Variants in PRKD1 observed in about 807,000 individuals in gnomAD.
The protein encoded by PRKD1 is protein kinase D1.
In PRKD1, 63 loss-of-function variants were observed where a neutral mutation model predicts 95.9. The ratio of observed to expected loss-of-function variants is 0.66; its 90% CI spans 0.54 to 0.81. PRKD1 has a LOEUF of 0.81. Ranked by LOEUF, PRKD1 falls within the 30% of genes least tolerant of loss-of-function variation. The pLI, the probability that PRKD1 is intolerant of heterozygous loss-of-function variation, is 0.00. For missense variants in PRKD1, 1,048 were observed against 1,165.3 expected, an observed-to-expected ratio of 0.90 and a Z score of 1.47; for synonymous variants, 425 against 423.1, an observed-to-expected ratio of 1.00 and a Z score of -0.05.
intron 2 of PRKD1, among the ~76,000 whole-genome samples, chr14:29,668,563 T>C (rs915688057): frequency 1.3e-5 from 2 of 152,174 alleles, no homozygotes; most frequent in African/African-American, 4.8e-5. Context: ...AAACAGGTAA[T>C]TGAGCCAAAA....
chr14:29,758,654 C>G (rs996097101), intron 1 of PRKD1, among the ~76,000 whole-genome samples: 11 of 152,174 alleles, frequency 7.2e-5, no homozygotes, highest in African/African-American at 2.4e-4. Context: ...AAAAACTCCA[C>G]AAAGATATTA....
intron 13 of PRKD1, among the ~76,000 whole-genome samples, chr14:29,609,559 G>C (rs1878295310): frequency 7.0e-6 from 1 of 142,754 alleles, no homozygotes; most frequent in African/African-American, 2.6e-5. Flanking sequence ...TTAATTTTTT[G>C]AGACAGAGTC....
chr14:29,726,074 A>C (rs1277666316), intron 1 of PRKD1, among the ~76,000 whole-genome samples: 1 of 152,202 alleles, frequency 6.6e-6, no homozygotes, highest in Non-Finnish European at 1.5e-5. Flanking sequence ...CATTACACAT[A>C]ATAATGGCAA....
chr14:29,635,094 T>C (rs530423295), intron 7 of PRKD1, among the ~76,000 whole-genome samples: 5 of 152,098 alleles, frequency 3.3e-5, no homozygotes, highest in Non-Finnish European at 5.9e-5. Context: ...TTGAACTGTA[T>C]GGTGTTCAGT....
At chr14:29,655,464 T>C (rs1881778360) in intron 4 of PRKD1, among the ~76,000 whole-genome samples, 1 of 152,188 alleles carries the variant, frequency 6.6e-6, no homozygotes, top group Admixed American at 6.5e-5. Flanking sequence ...CATCTTAGAA[T>C]GGATACTAAT....
intron 9 of PRKD1, among the ~76,000 whole-genome samples, chr14:29,631,458 ATAGT>A (rs1176046569): frequency 6.6e-6 from 1 of 152,102 alleles, no homozygotes; most frequent in Non-Finnish European, 1.5e-5. Flanking sequence ...AGCCAAGTGA[ATAGT>A]TTAAGTGAGG....
At chr14:29,877,239 G>T (rs1893333623) in intron 1 of PRKD1, among the ~76,000 whole-genome samples, 1 of 152,154 alleles carries the variant, frequency 6.6e-6, no homozygotes, top group African/African-American at 2.4e-5. Flanking sequence ...TGCAACCCTG[G>T]TACACTGCTG....
chr14:29,784,554 C>G (rs915084458), intron 1 of PRKD1, among the ~76,000 whole-genome samples: 14 of 152,000 alleles, frequency 9.2e-5, no homozygotes, highest in African/African-American at 3.4e-4. Flanking sequence ...TGTTTCTGTC[C>G]TTTTCAATTA....
chr14:29,715,410 G>T (rs1323226721), intron 2 of PRKD1, among the ~76,000 whole-genome samples: 1 of 151,990 alleles, frequency 6.6e-6, no homozygotes, highest in African/African-American at 2.4e-5. Flanking sequence ...GTGACTTAGG[G>T]ATTGCATTTT....
At chr14:29,684,897 T>C (rs188557095) in intron 2 of PRKD1, among the ~76,000 whole-genome samples, 8 of 152,342 alleles carry the variant, frequency 5.3e-5, no homozygotes, top group Non-Finnish European at 1.0e-4. Flanking sequence ...TTTAGATGGT[T>C]TTCTTGCTTT....
chr14:29,735,670 C>T (rs1354620921), intron 1 of PRKD1, among the ~76,000 whole-genome samples: 1 of 152,210 alleles, frequency 6.6e-6, no homozygotes, highest in Non-Finnish European at 1.5e-5. Flanking sequence ...GTTCTACCAG[C>T]TCAGCACCAT....
chr14:29,656,378 T>C (rs1881839232), intron 4 of PRKD1: 6 of 1,272,332 alleles, frequency 4.7e-6, no homozygotes, highest in Non-Finnish European at 6.6e-6. Context: ...ATTATTCTCA[T>C]AAAGTCAGTA....
chr14:29,642,311 A>G (rs1880836837), intron 4 of PRKD1, among the ~76,000 whole-genome samples: 1 of 152,222 alleles, frequency 6.6e-6, no homozygotes, highest in East Asian at 1.9e-4. Context: ...ATTTTAAGCA[A>G]AAATATAAAA....
rs189456542 is a variant in PRKD1, at chr14:29,694,785, T to C, written c.404-28577A>G. 7.9e-5 allele frequency among the ~76,000 whole-genome samples: 12 copies of C among 151,656 alleles called. 1 individual carries two copies. The highest frequency in any genetic ancestry group is 2.7e-4 in the African/African-American group (11 of 41,354). On this transcript the variant is annotated intron_variant, in intron 2 of 17. Coordinates refer to ENST00000331968, the MANE Select transcript of PRKD1 (RefSeq NM_002742.3). The stretch of plus-strand genomic sequence containing the variant: ...TGCCACTTCAGTAAGAGTGAGAAAA[T>C]GAAGAGTGAAACAGGTAGATGTTTG...
At chr14:29,723,579 A>G (rs758191712) in intron 2 of PRKD1, among the ~76,000 whole-genome samples, 48 of 152,090 alleles carry the variant, frequency 3.2e-4, no homozygotes, top group Non-Finnish European at 2.9e-4. Context: ...GCAAATCACA[A>G]TGCTAAGCAA....
intron 13 of PRKD1, among the ~76,000 whole-genome samples, chr14:29,604,451 A>G (rs8015149): frequency 0.23 from 34,554 of 152,012 alleles, 3,973 homozygotes; most frequent in South Asian, 0.26. Flanking sequence ...GTTCATAATG[A>G]GATAGAAAAA....
At chr14:29,616,165 G>T (rs1594364411) in intron 13 of PRKD1, among the ~76,000 whole-genome samples, 1 of 132,746 alleles carries the variant, frequency 7.5e-6, no homozygotes, top group African/African-American at 2.8e-5. Flanking sequence ...GGAAAAATTG[G>T]ATCTTGTAAG....
intron 13 of PRKD1, among the ~76,000 whole-genome samples, chr14:29,617,294 C>T (rs1312397115): frequency 6.6e-6 from 1 of 152,096 alleles, no homozygotes; most frequent in East Asian, 1.9e-4. Context: ...ACTGATCCTT[C>T]CACTTTGAGA....
At chr14:29,804,381 C>A (rs1890151118) in intron 1 of PRKD1, among the ~76,000 whole-genome samples, 2 of 152,134 alleles carry the variant, frequency 1.3e-5, no homozygotes, top group African/African-American at 4.8e-5. Flanking sequence ...AGAGCTGACA[C>A]TGATACCAAG....
Sources: allele counts gnomAD v4.1 joint callset (sites outside exome capture counted in the v4.1 genomes callset), GRCh38; gene constraint gnomAD v4.1.1; transcripts MANE v1.5; gene names NCBI Gene and HGNC (gene_info 2026-07-23, HGNC 2026-07-21).